The following TRIM71 variants were observed in gnomAD, a reference collection of about 807,000 sequenced individuals.
TRIM71 encodes E3 ubiquitin-protein ligase TRIM71.
A neutral mutation model predicts 61.2 loss-of-function variants in TRIM71; 9 were observed. The observed-to-expected ratio is 0.15, with a 90% CI of 0.09 to 0.26. The LOEUF (loss-of-function observed/expected upper bound fraction) is 0.26. TRIM71 is among the 10% of genes least tolerant of loss of function. TRIM71 has a pLI of 1.00. For synonymous variants in TRIM71, 645 were observed against 553.2 expected (o/e 1.17, Z -2.33); for missense variants, 998 against 1,238.7 (o/e 0.81, Z 2.92).
intron 2 of TRIM71, among the ~76,000 whole-genome samples, chr3:32,875,409 AC>A (rs1696843422): frequency 6.6e-6 from 1 of 152,222 alleles, no homozygotes; most frequent in Non-Finnish European, 1.5e-5. Context: ...GAAAATTGTG[AC>A]TTTTCCCTGT....
At chr3:32,876,792 A>G (rs191393416) in intron 2 of TRIM71, among the ~76,000 whole-genome samples, 233 of 152,316 alleles carry the variant, frequency 1.5e-3, no homozygotes, top group Non-Finnish European at 1.5e-3. Flanking sequence ...GAGGCTTATT[A>G]AGGAGAGCAC....
chr3:32,824,426 C>T (rs141851898), intron 1 of TRIM71, among the ~76,000 whole-genome samples: 8 of 151,538 alleles, frequency 5.3e-5, no homozygotes, highest in African/African-American at 1.7e-4. Context: ...CTCCTGACCT[C>T]AGGTGATCCA....
At chr3:32,877,211 C>T (rs1696859615) in intron 2 of TRIM71, among the ~76,000 whole-genome samples, 1 of 152,146 alleles carries the variant, frequency 6.6e-6, no homozygotes, top group Admixed American at 6.5e-5. Context: ...TCAAGTGATT[C>T]TCCTGCCTCA....
intron 1 of TRIM71, among the ~76,000 whole-genome samples, chr3:32,823,751 G>A (rs1575339363): frequency 2.7e-5 from 4 of 145,806 alleles, no homozygotes; most frequent in African/African-American, 7.8e-5. Context: ...CCTGGGTGAC[G>A]GAGCGAGACT....
chr3:32,866,196 C>CCTGTACT (rs1696735193), intron 1 of TRIM71, among the ~76,000 whole-genome samples: 1 of 151,472 alleles, frequency 6.6e-6, no homozygotes, highest in African/African-American at 2.4e-5. Context: ...CAGGCATGCG[C>CCTGTACT]CTGTACTAGG....
intron 1 of TRIM71, among the ~76,000 whole-genome samples, chr3:32,866,773 T>C (rs548990398): frequency 2.0e-5 from 3 of 152,234 alleles, no homozygotes; most frequent in Admixed American, 2.0e-4. Context: ...GGAAGTCTTG[T>C]AGAATGGGGC....
chr3:32,833,741 A>G (rs2125676869), intron 1 of TRIM71, among the ~76,000 whole-genome samples: 1 of 151,848 alleles, frequency 6.6e-6, no homozygotes, highest in Admixed American at 6.6e-5. Flanking sequence ...TGAGAATCAA[A>G]TGAAATATTT....
In TRIM71 at chr3:32,892,331, C is replaced by G. The variant is rs1000213268; in HGVS notation, c.*520C>G. ...TGCATAATTATAGAATACCTGTGTT[C>G]TTGAGAATACTGTTTATATGGGGTT... On this transcript the variant is annotated 3_prime_UTR_variant, in exon 4 of 4. Transcript: ENST00000383763. 6.5e-6 allele frequency: 1 copy of G among 153,846 alleles called. No homozygotes were observed. The highest frequency in any genetic ancestry group is 1.4e-5 in the Non-Finnish European group (1 of 69,128). The allele number at this position is 153,846 out of a possible 1,614,324, so 9.5% of individuals were successfully genotyped here. A position where few individuals can be genotyped will look rare whatever the true frequency, so the allele number is the denominator to read the frequency against.
rs1182178339 is a variant in TRIM71, at chr3:32,833,184, T to TAAAAAAAAAAAAAAAA, written c.852+14265_852+14280dup. ...GGTGACAAGAATGAAACTCTGTCTT[T>TAAAAAAAAAAAAAAAA]AAAAAAAAAAAAAAAAAAAAAAAAA... is the stretch of plus-strand genomic sequence containing the variant. On this transcript the variant is annotated intron_variant, in intron 1 of 3. Coordinates refer to ENST00000383763, the MANE Select transcript of TRIM71 (RefSeq NM_001039111.3). Among the ~76,000 whole-genome samples the TAAAAAAAAAAAAAAAA allele has an allele frequency of 1.6e-3, 86 of 54,426 alleles. 7 individuals are homozygous for TAAAAAAAAAAAAAAAA. Among genetic ancestry groups the TAAAAAAAAAAAAAAAA allele is most frequent in the East Asian group, 5.2e-3 (6 of 1,158 alleles). 35.7% of individuals were successfully genotyped at this position (54,426 alleles called of 152,430 possible). A position where few individuals can be genotyped will look rare whatever the true frequency, so the allele number is the denominator to read the frequency against.
intron 1 of TRIM71, among the ~76,000 whole-genome samples, chr3:32,867,504 G>A (rs1696751390): frequency 2.0e-5 from 3 of 152,134 alleles, no homozygotes; most frequent in South Asian, 4.1e-4. Flanking sequence ...CTAGGCTGGA[G>A]TGCGGCGGTG....
At chr3:32,838,181 G>C (rs1575344454) in intron 1 of TRIM71, among the ~76,000 whole-genome samples, 1 of 152,146 alleles carries the variant, frequency 6.6e-6, no homozygotes, top group East Asian at 1.9e-4. Context: ...TGTACATGTA[G>C]AAGTACTAAA....
chr3:32,873,490 T>G (rs1236837043), intron 1 of TRIM71, among the ~76,000 whole-genome samples: 1 of 152,194 alleles, frequency 6.6e-6, no homozygotes, highest in Non-Finnish European at 1.5e-5. Flanking sequence ...GGGCAAACTC[T>G]CATGCCAGGA....
chr3:32,851,286 G>C (rs1280076309), intron 1 of TRIM71, among the ~76,000 whole-genome samples: 1 of 152,144 alleles, frequency 6.6e-6, no homozygotes, highest in African/African-American at 2.4e-5. Flanking sequence ...AATACAGTTG[G>C]TAATAGAGTG....
chr3:32,838,377 A>T (rs925250331), intron 1 of TRIM71, among the ~76,000 whole-genome samples: 23 of 152,080 alleles, frequency 1.5e-4, no homozygotes, highest in African/African-American at 5.5e-4. Context: ...GGCTTGTGCC[A>T]CCATGCCCAG....
In TRIM71 at chr3:32,891,918, A is replaced by C; in HGVS notation, c.*107A>C. The C allele has an allele frequency of 6.9e-7, 1 of 1,450,626 alleles. No homozygotes were observed. The highest frequency in any genetic ancestry group is 9.1e-7 in the Non-Finnish European group (1 of 1,104,164). 89.9% of individuals were successfully genotyped at this position (1,450,626 alleles called of 1,614,324 possible). A position where few individuals can be genotyped will look rare whatever the true frequency, so the allele number is the denominator to read the frequency against. On this transcript the variant is annotated 3_prime_UTR_variant, in exon 4 of 4. Coordinates refer to ENST00000383763, the MANE Select transcript of TRIM71 (RefSeq NM_001039111.3). This position sits in a 1 kb window ranked among gnomAD's most constrained non-coding sequence, Gnocchi z 8.2. ...TGAATTTCAAAGAAGAAACAGTCTC[A>C]GGGAAATTTCTTTTTTCTTTTTTTT...
chr3:32,832,189 A>G (rs942769413), intron 1 of TRIM71, among the ~76,000 whole-genome samples: 2 of 152,332 alleles, frequency 1.3e-5, no homozygotes, highest in East Asian at 1.9e-4. Flanking sequence ...AAAGGTGGCC[A>G]TGCACAGTGG....
chr3:32,878,444 C>T (rs1276940150), intron 2 of TRIM71, among the ~76,000 whole-genome samples: 1 of 152,076 alleles, frequency 6.6e-6, no homozygotes, highest in African/African-American at 2.4e-5. Flanking sequence ...ACAGAAACCC[C>T]TTCTCTACTA....
rs899879476 is a variant in TRIM71, at chr3:32,873,861, G to C, written c.896G>C (p.Arg299Pro). 6 of 1,613,218 alleles carry C rather than the reference G, an allele frequency of 3.7e-6. No homozygotes were observed. In the East Asian group the frequency reaches 1.1e-4, roughly 30 times the overall value. Residue 299 changes from arginine (R) to proline (P), a missense_variant, in exon 2 of 4, where the codon CGT (arginine) becomes CCT (proline). This residue lies in a region of TRIM71 where 291 missense variants were observed against 431.2 expected (regional missense o/e 0.67). Coordinates refer to ENST00000383763, the MANE Select transcript of TRIM71 (RefSeq NM_001039111.3). ...YCDTCSVPICRECTMGRHGGH... is the reference protein window; with the variant it reads ...YCDTCSVPICPECTMGRHGGH... ...GACACTTGCTCTGTACCCATCTGTC[G>C]TGAGTGCACAATGGGCCGGCATGGG...
At chr3:32,842,117 C>G (rs1696413775) in intron 1 of TRIM71, among the ~76,000 whole-genome samples, 1 of 152,244 alleles carries the variant, frequency 6.6e-6, no homozygotes, top group South Asian at 2.1e-4. Flanking sequence ...AAAGGAAACT[C>G]TCAGTGCTGG....
Sources: allele counts gnomAD v4.1 joint callset (sites outside exome capture counted in the v4.1 genomes callset), GRCh38; gene constraint gnomAD v4.1.1; regional missense constraint gnomAD v4.1.1; non-coding constraint Gnocchi (gnomAD v3.1); transcripts MANE v1.5; gene names NCBI Gene and HGNC (gene_info 2026-07-23, HGNC 2026-07-21).